The following ALG13 variants were observed in gnomAD, a reference collection of about 807,000 sequenced individuals.
ALG13 encodes the protein ALG13 UDP-N-acetylglucosaminyltransferase subunit.
A neutral mutation model predicts 87.8 loss-of-function variants in ALG13; 11 were observed. The ratio of observed to expected loss-of-function variants is 0.13; its 90% confidence interval spans 0.08 to 0.21. The LOEUF is 0.21. Ranked by LOEUF, ALG13 falls within the 10% of genes least tolerant of loss-of-function variation. The pLI is 1.00. For missense variants in ALG13, 756 were observed against 866.1 expected (o/e 0.87, Z 1.60); for synonymous variants, 320 against 306.3 (o/e 1.04, Z -0.47).
intron 2 of ALG13, among the ~76,000 whole-genome samples, chrX:111,683,639 G>A (rs1934164054): frequency 2.7e-5 from 3 of 110,348 alleles, no homozygotes; most frequent in African/African-American, 9.9e-5. Flanking sequence ...GCACCCCTCC[G>A]GAGTTAATGT....
intron 3 of ALG13, among the ~76,000 whole-genome samples, chrX:111,691,464 A>G (rs1490562471): frequency 8.9e-6 from 1 of 112,342 alleles, no homozygotes; most frequent in East Asian, 2.8e-4. Flanking sequence ...ACTAGTGCTT[A>G]GTATGTATCA....
chrX:111,708,923 A>T, intron 4 of ALG13, 42 bp from the exon 5 acceptor site: 1 of 949,367 alleles, frequency 1.1e-6, no homozygotes, highest in Non-Finnish European at 1.5e-6. Context: ...TGCCTATTTT[A>T]AATGACTACT....
intron 3 of ALG13, among the ~76,000 whole-genome samples, chrX:111,701,152 G>A (rs1452917235): frequency 9.0e-6 from 1 of 111,620 alleles, no homozygotes; most frequent in East Asian, 2.8e-4. Flanking sequence ...GTTCATCAGG[G>A]ATATTGGTCT....
At chrX:111,713,607 G>C (rs1373153402) in intron 8 of ALG13, among the ~76,000 whole-genome samples, 2 of 111,620 alleles carry the variant, frequency 1.8e-5, no homozygotes, top group East Asian at 5.6e-4. Flanking sequence ...TCCCAAACCA[G>C]CTTCATTTTC....
At chrX:111,740,759 T>A (rs975273725) in intron 23 of ALG13, among the ~76,000 whole-genome samples, 3 of 111,989 alleles carry the variant, frequency 2.7e-5, no homozygotes, top group African/African-American at 9.7e-5. Flanking sequence ...TAGATTGGAA[T>A]ATACCAAGTA....
At chrX:111,728,566 A>G (rs1942318785) in intron 19 of ALG13, among the ~76,000 whole-genome samples, 1 of 111,421 alleles carries the variant, frequency 9.0e-6, no homozygotes, top group Admixed American at 9.5e-5. Context: ...GTGAGTTTTG[A>G]CTTGGTGTCA....
rs1556449735 is a variant in ALG13 at position 111,685,093 on chromosome X, T to G, written c.373T>G (p.Cys125Gly). The G allele has an allele frequency of 5.8e-6, 7 of 1,209,302 alleles. No individual in the cohort carries two copies. The highest frequency in any genetic ancestry group is 5.9e-5 in the East Asian group (2 of 33,787). The change falls in exon 3 of 27, where the codon TGT (cysteine) becomes GGT (glycine). Residue 125 changes from cysteine to glycine, a missense_variant. Cys to Gly is a radical substitution (Grantham distance 159). Transcript: ENST00000394780. The part of the protein sequence containing the change: ...QLHKEGHLFY[C>G]TCRVLTCPGQ... ...ACACAAAGAGGGTCATCTCTTCTAT[T>G]GTACCTGCAGGTATGCTAGAGACTG... is the stretch of plus-strand genomic sequence containing the variant.
intron 24 of ALG13, 49 bp downstream of exon 24, chrX:111,744,953 T>C (rs760051497): frequency 4.3e-5 from 44 of 1,033,439 alleles, no homozygotes; most frequent in Non-Finnish European, 4.1e-6. Context: ...TTAAAAAATA[T>C]TGTTAGAGCA....
chrX:111,711,893 A>C (rs1939834130), intron 6 of ALG13, among the ~76,000 whole-genome samples, 168 bp downstream of exon 6: 1 of 112,122 alleles, frequency 8.9e-6, no homozygotes, highest in South Asian at 3.7e-4. Flanking sequence ...CAATTGACCA[A>C]TTGTTTTGTG....
At position 111,708,069 on chromosome X, in the gene ALG13, TC is replaced by T; in HGVS notation, c.428del (p.Pro143LeufsTer10). On this transcript the variant is annotated frameshift_variant, in exon 4 of 27. Coordinates refer to ENST00000394780, the MANE Select transcript of ALG13 (RefSeq NM_001099922.3). LOFTEE classifies it high-confidence loss of function. Reference sequence around the variant, plus strand: ...GGCAAGCCAAGTCCATTGCTTCTGCTCCTGGGAAGTGCCAAGATTCTGCAGC... The same window carrying T: ...GGCAAGCCAAGTCCATTGCTTCTGCTCTGGGAAGTGCCAAGATTCTGCAGC... ...PGQAKSIASA[P>X]GKCQDSAALT... 8.3e-7 allele frequency: 1 copy of T among 1,210,766 alleles called. No homozygotes were observed. The highest frequency in any genetic ancestry group is 1.1e-6 in the Non-Finnish European group (1 of 895,038).
rs1369416650 is a variant in ALG13 at position 111,730,804 on chromosome X, T to C, written c.2457+224T>C. On this transcript the variant is annotated intron_variant, in intron 21 of 26. Coordinates refer to ENST00000394780, the MANE Select transcript of ALG13 (RefSeq NM_001099922.3). ...AATGATCTTTTAGAAGGTTTTATTA[T>C]GATTTTTTTATTAGAATGGATGATA... Among the ~76,000 whole-genome samples, 9 of 112,427 alleles carry C rather than the reference T, an allele frequency of 8.0e-5. No homozygotes were observed. The South Asian group carries it at 3.0e-3, about 37-fold the overall frequency.
chrX:111,744,944 TA>T, intron 24 of ALG13, 40 bp downstream of exon 24: 1 of 1,066,029 alleles, frequency 9.4e-7, no homozygotes, highest in Non-Finnish European at 1.3e-6. Flanking sequence ...ATCTGAGACT[TA>T]AAAAATATTG....
chrX:111,705,495 A>C (rs1208241075), intron 3 of ALG13, among the ~76,000 whole-genome samples: 2 of 111,543 alleles, frequency 1.8e-5, no homozygotes, highest in South Asian at 7.4e-4. Flanking sequence ...AAATCGAGTT[A>C]ATTTTTTTTT....
intron 23 of ALG13, among the ~76,000 whole-genome samples, chrX:111,741,544 G>A (rs1943734768): frequency 8.9e-6 from 1 of 112,013 alleles, no homozygotes; most frequent in Non-Finnish European, 1.9e-5. Flanking sequence ...AGGGCATGGT[G>A]GCTCATGCCT....
chrX:111,759,766 C>A lies in ALG13; in HGVS notation c.3181C>A (p.Pro1061Thr). 8.3e-7 allele frequency: 1 copy of A among 1,207,487 alleles called. No homozygotes were observed. The highest frequency in any genetic ancestry group is 1.1e-6 in the Non-Finnish European group (1 of 892,997). Residue 1061 changes from proline (P) to threonine (T), a missense_variant, in exon 27 of 27, where the codon CCT becomes ACT. Coordinates refer to ENST00000394780, the MANE Select transcript of ALG13 (RefSeq NM_001099922.3). ...TFPNADSSSV[P>T]HGAVYYPVMS... Reference sequence around the variant, plus strand: ...TCCGAATGCTGATTCTTCATCTGTCCCTCATGGAGCAGTCTATTATCCAGT... The same window carrying A: ...TCCGAATGCTGATTCTTCATCTGTCACTCATGGAGCAGTCTATTATCCAGT...
At chrX:111,728,413 C>T (rs1942302611) in intron 19 of ALG13, 108 bp downstream of exon 19, 1 of 891,428 alleles carries the variant, frequency 1.1e-6, no homozygotes, top group Non-Finnish European at 1.5e-6. Flanking sequence ...GTTCCAGTAG[C>T]TTAGTTCTGA....
rs770867470 is a variant in ALG13, at chrX:111,723,909, G to A, written c.1601+11G>A. 149 of 1,046,194 alleles carry A rather than the reference G, an allele frequency of 1.4e-4. 1 individual carries two copies. In the South Asian group the frequency reaches 3.3e-3, roughly 23 times the overall value. The allele number at this position is 1,046,194 out of a possible 1,213,427, so 86.2% of individuals were successfully genotyped here. ...AGAATTGGCGGAAAAGTAGGAATAT[G>A]ATAATTTGTTGAATTACTGAAATCT... is the stretch of plus-strand genomic sequence containing the variant. On this transcript the variant is annotated intron_variant, in intron 14 of 26. Coordinates refer to ENST00000394780, the MANE Select transcript of ALG13 (RefSeq NM_001099922.3).
At chrX:111,698,790 C>G (rs1388710416) in intron 3 of ALG13, among the ~76,000 whole-genome samples, 2 of 111,818 alleles carry the variant, frequency 1.8e-5, no homozygotes, top group Non-Finnish European at 3.8e-5. Context: ...GTTTCCTTAT[C>G]TTGGGTACTG....
At chrX:111,688,357 CAG>C (rs1183601585) in intron 3 of ALG13, 1 of 715,062 alleles carries the variant, frequency 1.4e-6, no homozygotes, top group Non-Finnish European at 1.7e-6. Flanking sequence ...AAAAATGAAA[CAG>C]TAACAACTTT....
Sources: allele counts gnomAD v4.1 joint callset (sites outside exome capture counted in the v4.1 genomes callset), GRCh38; gene constraint gnomAD v4.1.1; transcripts MANE v1.5; gene names NCBI Gene and HGNC (gene_info 2026-07-23, HGNC 2026-07-21).